Variants in SUPT3H observed in about 807,000 individuals in gnomAD.
SUPT3H encodes the protein transcription initiation protein SPT3 homolog.
A neutral mutation model predicts 44.3 loss-of-function variants in SUPT3H; 44 were observed. That is an observed-to-expected ratio of 0.99 (90% CI 0.78 to 1.28). The LOEUF is 1.28. SUPT3H is among the 50% of genes most tolerant of loss of function. SUPT3H has a pLI of 0.00. For synonymous variants in SUPT3H, 124 were observed against 125.6 expected (o/e 0.99, Z 0.09); for missense variants, 380 against 387.1 (o/e 0.98, Z 0.15).
At chr6:45,280,980 C>T (rs529725969) in intron 2 of SUPT3H, among the ~76,000 whole-genome samples, 1 of 152,276 alleles carries the variant, frequency 6.6e-6, no homozygotes, top group African/African-American at 2.4e-5. Flanking sequence ...GGGAAAACTG[C>T]ACTTCGATGT....
At chr6:44,879,257 T>C (rs1049901984) in intron 10 of SUPT3H, among the ~76,000 whole-genome samples, 10 of 152,102 alleles carry the variant, frequency 6.6e-5, no homozygotes, top group African/African-American at 2.4e-4. Flanking sequence ...CGTCCACCAT[T>C]ACTGAGGCTT....
At chr6:44,968,881 C>T (rs928569367) in intron 6 of SUPT3H, among the ~76,000 whole-genome samples, 2 of 152,108 alleles carry the variant, frequency 1.3e-5, no homozygotes, top group East Asian at 3.9e-4. Context: ...GCCATTCTAC[C>T]TCAGCACACA....
At chr6:45,134,868 T>C (rs1463222820) in intron 2 of SUPT3H, among the ~76,000 whole-genome samples, 1 of 152,160 alleles carries the variant, frequency 6.6e-6, no homozygotes, top group East Asian at 1.9e-4. Context: ...TTCCCATGGC[T>C]CCACTACGCA....
In SUPT3H at chr6:44,900,872, G is replaced by C. The variant is rs115284470; in HGVS notation, c.912+31781C>G. Among the ~76,000 whole-genome samples, 1,165 of 152,242 alleles carry C rather than the reference G, an allele frequency of 7.7e-3. 21 individuals are homozygous for C. Among genetic ancestry groups the C allele is most frequent in the African/African-American group, 0.026 (1,099 of 41,548 alleles). On this transcript the variant is annotated intron_variant, in intron 10 of 10. Coordinates refer to ENST00000371459, the MANE Select transcript of SUPT3H (RefSeq NM_003599.4). ...CAACATTTGATGCTCACCAATATCC[G>C]CTGTTCTGCAGCCTCCGCTTTTGAT...
chr6:45,249,102 A>C (rs1771907048), intron 2 of SUPT3H, among the ~76,000 whole-genome samples: 1 of 152,174 alleles, frequency 6.6e-6, no homozygotes, highest in Admixed American at 6.5e-5. Flanking sequence ...TTTAGCAACA[A>C]AAAAAGGAGT....
chr6:45,050,918 T>C (rs1479350776), intron 3 of SUPT3H, among the ~76,000 whole-genome samples: 1 of 130,510 alleles, frequency 7.7e-6, no homozygotes, highest in African/African-American at 2.8e-5. Context: ...GGAGTCTCGC[T>C]CTGTAGCCCA....
chr6:45,015,532 CTT>C (rs1269173663), intron 4 of SUPT3H, among the ~76,000 whole-genome samples: 1 of 152,026 alleles, frequency 6.6e-6, no homozygotes, highest in African/African-American at 2.4e-5. Context: ...AAGCTGTACA[CTT>C]AGGCTACACT....
At chr6:44,811,856 G>T (rs1181959969) in intron 11 of SUPT3H, among the ~76,000 whole-genome samples, 1 of 151,618 alleles carries the variant, frequency 6.6e-6, no homozygotes, top group African/African-American at 2.4e-5. Flanking sequence ...TTGATGGGTT[G>T]GTCTTTTTTT....
rs538298304 is a variant in SUPT3H at position 45,141,446 on chromosome 6, T to A, written c.102-35440A>T. 5.9e-5 allele frequency among the ~76,000 whole-genome samples: 9 copies of A among 151,388 alleles called. No individual in the cohort carries two copies. The South Asian group carries it at 6.3e-4, about 11-fold the overall frequency. ...AAAAGCAACTTAAATAAGTTTTTTT[T>A]AAAAGTACAGCATATAGATGAAAAA... On this transcript the variant is annotated intron_variant, in intron 2 of 10. Coordinates refer to ENST00000371459, the MANE Select transcript of SUPT3H (RefSeq NM_003599.4).
At chr6:44,895,254 GTTTT>G (rs60637782) in intron 10 of SUPT3H, among the ~76,000 whole-genome samples, 16 of 119,318 alleles carry the variant, frequency 1.3e-4, no homozygotes, top group Admixed American at 1.7e-4. Context: ...ACTTAGTCTT[GTTTT>G]TTTTTTTTTT....
chr6:45,170,880 G>A (rs1195644648), intron 2 of SUPT3H, among the ~76,000 whole-genome samples: 1 of 152,070 alleles, frequency 6.6e-6, no homozygotes, highest in African/African-American at 2.4e-5. Flanking sequence ...ACTTAATTCT[G>A]TGATATCATA....
intron 2 of SUPT3H, among the ~76,000 whole-genome samples, chr6:45,295,547 A>AAAAAC (rs1781036056): frequency 7.8e-6 from 1 of 128,348 alleles, no homozygotes; most frequent in African/African-American, 3.0e-5. Flanking sequence ...AAAAAAAAAA[A>AAAAAC]AAAAAAACAG....
rs987530192 is a variant in SUPT3H at position 45,095,792 on chromosome 6, A to T, written c.186+10130T>A. Among the ~76,000 whole-genome samples, 5 of 152,166 alleles carry T rather than the reference A, an allele frequency of 3.3e-5. No individual in the cohort carries two copies. Among genetic ancestry groups the T allele is most frequent in the Admixed American group, 6.5e-5 (1 of 15,286 alleles). On this transcript the variant is annotated intron_variant, in intron 3 of 10. Transcript: ENST00000371459. The surrounding 1 kb of genome is among the most constrained non-coding windows in gnomAD (Gnocchi z 4.1). ...GAGATATTGACAACATCATAACAAC[A>T]ACTCAAACATAATTTGCAGTTGGCA...
At chr6:45,210,740 C>T (rs557232124) in intron 2 of SUPT3H, among the ~76,000 whole-genome samples, 1 of 152,292 alleles carries the variant, frequency 6.6e-6, no homozygotes, top group Non-Finnish European at 1.5e-5. Flanking sequence ...TTTGCATTCA[C>T]AGACACTTAA....
chr6:44,968,923 T>G (rs185947375), intron 6 of SUPT3H, among the ~76,000 whole-genome samples: 1 of 152,238 alleles, frequency 6.6e-6, no homozygotes, highest in East Asian at 1.9e-4. Context: ...TTATTCTTTG[T>G]TTTTAGTTAG....
chr6:45,118,419 G>A (rs1231670623), intron 2 of SUPT3H, among the ~76,000 whole-genome samples: 9 of 151,994 alleles, frequency 5.9e-5, no homozygotes, highest in Non-Finnish European at 1.3e-4. Context: ...CAGTAATTAA[G>A]ACCCTAGCTT....
intron 2 of SUPT3H, among the ~76,000 whole-genome samples, chr6:45,326,056 A>G (rs924484148): frequency 2.0e-5 from 3 of 151,866 alleles, no homozygotes; most frequent in African/African-American, 7.2e-5. Flanking sequence ...TACATGCAGG[A>G]GGATTACCTG....
intron 2 of SUPT3H, among the ~76,000 whole-genome samples, chr6:45,364,453 A>C (rs1049490874): frequency 6.6e-6 from 1 of 152,178 alleles, no homozygotes; most frequent in Non-Finnish European, 1.5e-5. Flanking sequence ...GTCATGAATA[A>C]TGTATCCACA....
chr6:45,234,858 T>G (rs553855128), intron 2 of SUPT3H, among the ~76,000 whole-genome samples: 1 of 152,274 alleles, frequency 6.6e-6, no homozygotes, highest in Admixed American at 6.5e-5. Context: ...CAACAGATTT[T>G]TATGAATTTT....
Sources: gnomAD v4.1 joint callset for allele counts (sites outside exome capture counted in the v4.1 genomes callset) on GRCh38, gnomAD v4.1.1 for gene constraint, Gnocchi (gnomAD v3.1) non-coding constraint, MANE v1.5 for transcripts, NCBI Gene and HGNC (gene_info 2026-07-23, HGNC 2026-07-21) for gene names.